ATOSA: variants seen among roughly 807,000 people sequenced by gnomAD.
The protein encoded by ATOSA is atos homolog A, also known as atos homolog protein A.
chr15:52,647,227 T>C, the ATOSA span, among the ~76,000 whole-genome samples: 1 of 101,876 alleles, frequency 9.8e-6, no homozygotes, highest in Non-Finnish European at 2.0e-5. Context: ...ATTGGAGGGC[T>C]AAATTAGTTT....
the ATOSA span, chr15:52,582,402 G>T: frequency 9.4e-7 from 1 of 1,064,206 alleles, no homozygotes; most frequent in Non-Finnish European, 1.3e-6. Context: ...AACAAATCTT[G>T]CTACAATATT....
chr15:52,602,942 T>C, the ATOSA span, among the ~76,000 whole-genome samples: 1 of 152,216 alleles, frequency 6.6e-6, no homozygotes, highest in Admixed American at 6.5e-5. Context: ...TTTCTTGCTC[T>C]TACATAACAT....
At chr15:52,609,347 T>C in the ATOSA span, 3 of 1,613,982 alleles carry the variant, frequency 1.9e-6, no homozygotes, top group South Asian at 2.2e-5. Context: ...TCATATGAAC[T>C]CCTAAACACT....
the ATOSA span, among the ~76,000 whole-genome samples, chr15:52,664,769 C>T: frequency 6.6e-6 from 1 of 152,116 alleles, no homozygotes; most frequent in African/African-American, 2.4e-5. Flanking sequence ...CAAGACCAGT[C>T]TCTACAAAAA....
At chr15:52,657,356 A>ATT in the ATOSA span, 2 of 152,200 alleles carry the variant, frequency 1.3e-5, no homozygotes, top group Non-Finnish European at 2.9e-5. Flanking sequence ...AGACTCAATC[A>ATT]TTAAGTCCCC....
the ATOSA span, among the ~76,000 whole-genome samples, chr15:52,673,131 G>A: frequency 6.6e-6 from 1 of 152,204 alleles, no homozygotes; most frequent in African/African-American, 2.4e-5. Flanking sequence ...TGAATGCTAA[G>A]TGCCAGCCAC....
the ATOSA span, among the ~76,000 whole-genome samples, chr15:52,672,584 T>C: frequency 6.6e-6 from 1 of 152,018 alleles, no homozygotes; most frequent in Non-Finnish European, 1.5e-5. Context: ...GGTGAAAACA[T>C]TTTCATAATT....
chr15:52,649,403 C>A, the ATOSA span: 1 of 152,102 alleles, frequency 6.6e-6, no homozygotes, highest in African/African-American at 2.4e-5. Flanking sequence ...AAAAGAAAAA[C>A]TCAGATTGTT....
chr15:52,629,025 C>T, the ATOSA span, among the ~76,000 whole-genome samples: 6 of 152,170 alleles, frequency 3.9e-5, no homozygotes, highest in East Asian at 1.9e-4. Context: ...ATCTTGCCCT[C>T]GCCAATTCAA....
the ATOSA span, among the ~76,000 whole-genome samples, chr15:52,665,073 C>T: frequency 2.6e-5 from 4 of 152,092 alleles, no homozygotes. Flanking sequence ...TATACATGGA[C>T]ATAGAAGTGG....
the ATOSA span, among the ~76,000 whole-genome samples, chr15:52,709,049 C>T: frequency 3.3e-5 from 5 of 151,982 alleles, no homozygotes; most frequent in African/African-American, 9.7e-5. Flanking sequence ...GAGAGTACTC[C>T]CTGTCTGCAA....
At chr15:52,704,845 C>G in the ATOSA span, among the ~76,000 whole-genome samples, 1 of 152,154 alleles carries the variant, frequency 6.6e-6, no homozygotes, top group Admixed American at 6.5e-5. Context: ...ATTAAAAAGT[C>G]AGGAAACAAC....
the ATOSA span, chr15:52,677,948 T>A: frequency 6.2e-7 from 1 of 1,604,406 alleles, no homozygotes; most frequent in Non-Finnish European, 8.5e-7. Context: ...CACTTCTAAA[T>A]TGAGGCATAG....
chr15:52,707,241 G>C, the ATOSA span, among the ~76,000 whole-genome samples: 1 of 152,100 alleles, frequency 6.6e-6, no homozygotes, highest in Non-Finnish European at 1.5e-5. Context: ...GTATTTACAC[G>C]GTCTCATTGT....
chr15:52,608,740 T>A, the ATOSA span: 1 of 1,610,978 alleles, frequency 6.2e-7, no homozygotes, highest in Admixed American at 1.7e-5. Context: ...ATTGAGATAA[T>A]TCTCTATGCT....
At chr15:52,654,419 CTAAA>C in the ATOSA span, among the ~76,000 whole-genome samples, 1 of 152,246 alleles carries the variant, frequency 6.6e-6, no homozygotes, top group East Asian at 1.9e-4. Context: ...GTACACAAAA[CTAAA>C]TAATGAGTAT....
chr15:52,674,876 T>C, the ATOSA span, among the ~76,000 whole-genome samples: 4 of 150,992 alleles, frequency 2.6e-5, no homozygotes, highest in African/African-American at 9.7e-5. Context: ...ATATAACCAA[T>C]ATATAAGCAT....
At chr15:52,691,178 C>A in the ATOSA span, among the ~76,000 whole-genome samples, 4 of 151,942 alleles carry the variant, frequency 2.6e-5, no homozygotes. Context: ...TTTAGTGGAG[C>A]ATTAAGAGAC....
At chr15:52,700,444 T>C in the ATOSA span, among the ~76,000 whole-genome samples, 1 of 152,146 alleles carries the variant, frequency 6.6e-6, no homozygotes, top group Non-Finnish European at 1.5e-5. Context: ...GCTTATGTAT[T>C]TTGAGGGAAA....
Sources: allele counts gnomAD v4.1 joint callset (sites outside exome capture counted in the v4.1 genomes callset), GRCh38; gene constraint gnomAD v4.1.1; transcripts MANE v1.5; gene names NCBI Gene and HGNC (gene_info 2026-07-23, HGNC 2026-07-21).